The following CDC40 variants were observed in gnomAD, a reference collection of about 807,000 sequenced individuals.
The protein encoded by CDC40 is pre-mRNA-processing factor 17.
A neutral mutation model predicts 80.6 loss-of-function variants in CDC40; 27 were observed. The observed-to-expected ratio is 0.33, with a 90% CI of 0.25 to 0.46. CDC40 has a LOEUF of 0.46. Among genes scored for constraint, CDC40 ranks in the 20% least tolerant of loss-of-function variants. The pLI, the probability that CDC40 is intolerant of heterozygous loss-of-function variation, is 1.00. For synonymous variants in CDC40, 221 were observed against 232.6 expected (o/e 0.95, Z 0.45); for missense variants, 486 against 694.1 (o/e 0.70, Z 3.37).
At chr6:110,199,018 T>G (rs1167033226) in intron 2 of CDC40, 2 of 152,204 alleles carry the variant, frequency 1.3e-5, no homozygotes, top group Non-Finnish European at 2.9e-5. Flanking sequence ...CTTCCTCTGT[T>G]AATATTCAAT....
intron 1 of CDC40, among the ~76,000 whole-genome samples, chr6:110,191,601 C>G (rs1444951143): frequency 6.6e-6 from 1 of 152,146 alleles, no homozygotes; most frequent in Non-Finnish European, 1.5e-5. Context: ...AGAGAGATAA[C>G]AATCATGTGG....
intron 1 of CDC40, among the ~76,000 whole-genome samples, chr6:110,186,643 G>A (rs1369250880): frequency 2.6e-5 from 4 of 152,112 alleles, no homozygotes; most frequent in Non-Finnish European, 5.9e-5. Context: ...TGATAAATCA[G>A]CTGTTGGTGT....
chr6:110,219,997 A>G (rs1777748013), intron 12 of CDC40, 128 bp downstream of exon 12: 5 of 885,612 alleles, frequency 5.6e-6, no homozygotes, highest in Middle Eastern at 5.3e-4. Flanking sequence ...TGGCTTGCCA[A>G]TCAAACTGTT....
At chr6:110,210,347 C>T (rs1045745213) in intron 5 of CDC40, among the ~76,000 whole-genome samples, 4 of 151,524 alleles carry the variant, frequency 2.6e-5, no homozygotes, top group South Asian at 2.1e-4. Flanking sequence ...CTCAGGAGTT[C>T]GAGACCAGCC....
At chr6:110,183,026 G>A (rs1033698058) in intron 1 of CDC40, among the ~76,000 whole-genome samples, 14 of 152,122 alleles carry the variant, frequency 9.2e-5, no homozygotes, top group African/African-American at 2.9e-4. Flanking sequence ...CCTGAAAGCC[G>A]AATTTTCTTT....
Position 110,231,624 on chromosome 6 carries a change from T to C in CDC40, c.*1493T>C, listed in dbSNP as rs987838532. 6.6e-6 allele frequency: 1 copy of C among 152,270 alleles called. No homozygotes were observed. The highest frequency in any genetic ancestry group is 2.4e-5 in the African/African-American group (1 of 41,474). 9.4% of individuals were successfully genotyped at this position (152,270 alleles called of 1,614,324 possible). A position where few individuals can be genotyped will look rare whatever the true frequency, so the allele number is the denominator to read the frequency against. The stretch of plus-strand genomic sequence containing the variant: ...TTGAATATGGTTTGAAATATTTCAC[T>C]ACCGTGCTGAAAAAGGTTGGTTGAT... On this transcript the variant is annotated 3_prime_UTR_variant, in exon 15 of 15. Coordinates refer to ENST00000307731, the MANE Select transcript of CDC40 (RefSeq NM_015891.3).
rs1281289872 is a variant in CDC40 at position 110,230,830 on chromosome 6, G to A, written c.*699G>A. 6.6e-6 allele frequency: 1 copy of A among 152,202 alleles called. No individual in the cohort carries two copies. The highest frequency in any genetic ancestry group is 1.5e-5 in the Non-Finnish European group (1 of 68,050). 9.4% of individuals were successfully genotyped at this position (152,202 alleles called of 1,614,324 possible). ...GAATTACATTATATCTGAAGATGGA[G>A]CTCAGGAGAATGCACCAAGACTTTG... On this transcript the variant is annotated 3_prime_UTR_variant, in exon 15 of 15. Transcript: ENST00000307731.
chr6:110,221,797 G>A (rs186613267), intron 12 of CDC40, among the ~76,000 whole-genome samples: 1 of 151,624 alleles, frequency 6.6e-6, no homozygotes, highest in Non-Finnish European at 1.5e-5. Flanking sequence ...GTGTATGTGG[G>A]TATTCTGAAG....
chr6:110,204,776 C>T (rs765816006), intron 3 of CDC40, among the ~76,000 whole-genome samples: 4 of 151,128 alleles, frequency 2.6e-5, no homozygotes, highest in Non-Finnish European at 5.9e-5. Context: ...TCTCATGCCT[C>T]AGCCTCCTGA....
At position 110,219,379 on chromosome 6, in the gene CDC40, G is replaced by A; in HGVS notation, c.1106G>A (p.Arg369Lys). ...TTGGTTTTAGGACAGTGTATATCAA[G>A]ATTTACAAACCGAAAAGTACCTTAT... is the stretch of plus-strand genomic sequence containing the variant. ...WDTETGQCIS[R>K]FTNRKVPYCV... is the part of the protein sequence containing the mutation. The change falls in exon 11 of 15, where the codon AGA becomes AAA. Residue 369 changes from arginine to lysine, a missense_variant. Coordinates refer to ENST00000307731, the MANE Select transcript of CDC40 (RefSeq NM_015891.3). 6.4e-7 allele frequency: 1 copy of A among 1,562,648 alleles called. No homozygotes were observed. Among genetic ancestry groups the A allele is most frequent in the Non-Finnish European group, 8.8e-7 (1 of 1,134,734 alleles).
At chr6:110,212,505 G>A in intron 7 of CDC40, among the ~76,000 whole-genome samples, 1 of 152,126 alleles carries the variant, frequency 6.6e-6, no homozygotes, top group East Asian at 1.9e-4. Context: ...TTAGTGTCCT[G>A]TATCCTTGTA....
At position 110,210,605 on chromosome 6, in the gene CDC40, G is replaced by A. The variant is rs186006126; in HGVS notation, c.631-102G>A. ...AGCTTGTTATCCTGGGAACATACTC[G>A]GACCAGATATGTAGAAGTCATTATA... On this transcript the variant is annotated intron_variant, in intron 5 of 14. Transcript: ENST00000307731. 338 of 405,908 alleles carry A rather than the reference G, an allele frequency of 8.3e-4. 1 individual carries two copies. The highest frequency in any genetic ancestry group is 6.3e-3 in the African/African-American group (297 of 46,922). 25.1% of individuals were successfully genotyped at this position (405,908 alleles called of 1,614,324 possible).
At chr6:110,209,284 C>G in intron 5 of CDC40, 61 bp downstream of exon 5, 1 of 1,439,378 alleles carries the variant, frequency 6.9e-7, no homozygotes, top group Non-Finnish European at 9.7e-7. Context: ...TGAAGGATAT[C>G]TACATTAATA....
chr6:110,210,865 G>T, intron 6 of CDC40, 62 bp downstream of exon 6: 1 of 763,212 alleles, frequency 1.3e-6, no homozygotes, highest in Non-Finnish European at 2.0e-6. Flanking sequence ...TCTGTTCGCT[G>T]TTCATACAAT....
In CDC40 at chr6:110,219,878, C is replaced by T. The variant is rs1212738088; in HGVS notation, c.1340+9C>T. On this transcript the variant is annotated intron_variant, in intron 12 of 14. Transcript: ENST00000307731. ...CTAAGAGTTTGGGAATGGTGAGTTTCCATCAGTAGAAAATCTGATTTACAT... is the reference window on the plus strand; with the variant it reads ...CTAAGAGTTTGGGAATGGTGAGTTTTCATCAGTAGAAAATCTGATTTACAT... 6.2e-7 allele frequency: 1 copy of T among 1,609,902 alleles called. No individual in the cohort carries two copies. Among genetic ancestry groups the T allele is most frequent in the Admixed American group, 1.7e-5 (1 of 59,132 alleles).
At position 110,228,993 on chromosome 6, in the gene CDC40, T is replaced by C; in HGVS notation, c.1562+17T>C. 6.3e-7 allele frequency: 1 copy of C among 1,580,860 alleles called. No homozygotes were observed. The highest frequency in any genetic ancestry group is 1.2e-5 in the South Asian group (1 of 85,368). ...AGACATGAGGTAAGTTTAAATCTTC[T>C]AATCCATTCTCGTATTCAAATATGA... On this transcript the variant is annotated intron_variant, in intron 14 of 14. Coordinates refer to ENST00000307731, the MANE Select transcript of CDC40 (RefSeq NM_015891.3).
At chr6:110,201,335 T>C (rs1777490221) in intron 2 of CDC40, among the ~76,000 whole-genome samples, 3 of 152,238 alleles carry the variant, frequency 2.0e-5, no homozygotes, top group South Asian at 2.1e-4. Flanking sequence ...TAGCTACATA[T>C]AGATTTGAGT....
rs569831845 is a variant in CDC40 at position 110,232,221 on chromosome 6, G to A, written c.*2090G>A. The A allele has an allele frequency of 6.6e-6, 1 of 152,506 alleles. No individual in the cohort carries two copies. The highest frequency in any genetic ancestry group is 2.4e-5 in the African/African-American group (1 of 41,530). 9.4% of individuals were successfully genotyped at this position (152,506 alleles called of 1,614,324 possible). ...TTAAATAAAGCATTTTTTGTAGAAA[G>A]TGCTATCAAAATGTTCATCTTGTTC... is the stretch of plus-strand genomic sequence containing the variant. On this transcript the variant is annotated 3_prime_UTR_variant, in exon 15 of 15. Coordinates refer to ENST00000307731, the MANE Select transcript of CDC40 (RefSeq NM_015891.3).
At chr6:110,227,031 G>A (rs1777872729) in intron 13 of CDC40, among the ~76,000 whole-genome samples, 1 of 151,960 alleles carries the variant, frequency 6.6e-6, no homozygotes. Flanking sequence ...TAGTAATAGT[G>A]ATTTACTGTA....
Sources: gnomAD v4.1 joint callset for allele counts (sites outside exome capture counted in the v4.1 genomes callset) on GRCh38, gnomAD v4.1.1 for gene constraint, MANE v1.5 for transcripts, NCBI Gene and HGNC (gene_info 2026-07-23, HGNC 2026-07-21) for gene names.